The following TRMT2B variants were observed in gnomAD, a reference collection of about 807,000 sequenced individuals.
TRMT2B encodes tRNA methyltransferase 2B.
A neutral mutation model predicts 39.7 loss-of-function variants in TRMT2B; 34 were observed. The ratio of observed to expected loss-of-function variants is 0.86; its 90% confidence interval spans 0.65 to 1.14. The LOEUF (loss-of-function observed/expected upper bound fraction) is 1.14, where lower values mean the gene tolerates loss of function less well. Among genes scored for constraint, TRMT2B ranks in the 50% most tolerant of loss-of-function variants. The pLI is 0.00. For missense variants in TRMT2B, 318 were observed against 377.2 expected (o/e 0.84, Z 1.30); for synonymous variants, 132 against 137.3 (o/e 0.96, Z 0.27).
intron 13 of TRMT2B, among the ~76,000 whole-genome samples, chrX:101,018,658 C>T (rs2086647670): frequency 9.1e-6 from 1 of 110,127 alleles, no homozygotes. Flanking sequence ...TCACTGTGTT[C>T]CCCAGGGTGG....
the TRMT2B span, among the ~76,000 whole-genome samples, chrX:100,986,446 A>G: frequency 8.9e-6 from 1 of 112,093 alleles, no homozygotes; most frequent in South Asian, 3.8e-4. Flanking sequence ...AGCAACCCCA[A>G]CTAGAGCATG....
chrX:101,022,314 T>A (rs1387665070), intron 8 of TRMT2B, among the ~76,000 whole-genome samples: 1 of 110,090 alleles, frequency 9.1e-6, no homozygotes, highest in African/African-American at 3.3e-5. Flanking sequence ...CATAGCAACA[T>A]CCTGTCTCTA....
chrX:101,022,128 CTATAG>C lies in TRMT2B; in HGVS notation c.757-71_757-67del, dbSNP rs2086831424. 3 of 773,423 alleles carry C rather than the reference CTATAG, an allele frequency of 3.9e-6. No homozygotes were observed. The Admixed American group carries it at 7.0e-5, about 18-fold the overall frequency. 63.7% of individuals were successfully genotyped at this position (773,423 alleles called of 1,213,427 possible). On this transcript the variant is annotated intron_variant, in intron 8 of 13. Coordinates refer to ENST00000372936, the MANE Select transcript of TRMT2B (RefSeq NM_024917.6). Reference sequence around the variant, plus strand: ...CTCTGACAAATTTTCTCTCTAAGCTCTATAGTAATCAGCCCTGCAGTAGTCAGATG... The same window carrying C: ...CTCTGACAAATTTTCTCTCTAAGCTCTAATCAGCCCTGCAGTAGTCAGATG...
Position 101,014,091 on chromosome X carries a change from A to C in TRMT2B, c.1389-3384T>G, listed in dbSNP as rs190497957. The stretch of plus-strand genomic sequence containing the variant: ...AACAGAGCAAGACTCCATCCCCCGC[A>C]AAAAAAAGCATCAAATAGAATAGTG... On this transcript the variant is annotated intron_variant, in intron 13 of 13. Transcript: ENST00000372936. Among the ~76,000 whole-genome samples, 155 of 110,742 alleles carry C rather than the reference A, an allele frequency of 1.4e-3. 1 individual carries two copies. Among genetic ancestry groups the C allele is most frequent in the African/African-American group, 4.6e-3 (140 of 30,536 alleles).
At chrX:101,041,470 C>G in intron 3 of TRMT2B, 99 bp from the exon 4 acceptor site, 1 of 804,186 alleles carries the variant, frequency 1.2e-6, no homozygotes, top group Non-Finnish European at 1.8e-6. Context: ...CTCATGCTCT[C>G]TAGGGAGATG....
At chrX:100,975,290 G>A in the TRMT2B span, among the ~76,000 whole-genome samples, 1 of 111,083 alleles carries the variant, frequency 9.0e-6, no homozygotes, top group Non-Finnish European at 1.9e-5. Context: ...CCACTACCTA[G>A]CATTTTATCT....
chrX:101,038,240 T>A (rs895260349), intron 4 of TRMT2B, among the ~76,000 whole-genome samples, 189 bp from the exon 5 acceptor site: 6 of 107,431 alleles, frequency 5.6e-5, no homozygotes, highest in African/African-American at 1.7e-4. Context: ...TGGTTGTGCA[T>A]GCCTGTAATC....
chrX:101,026,068 G>A (rs2087064188), intron 7 of TRMT2B, among the ~76,000 whole-genome samples: 1 of 108,761 alleles, frequency 9.2e-6, no homozygotes, highest in African/African-American at 3.3e-5. Context: ...GAGGGAGGAA[G>A]GAAGGAAGGA....
intron 7 of TRMT2B, among the ~76,000 whole-genome samples, chrX:101,024,531 A>T (rs1602564556): frequency 9.0e-6 from 1 of 110,844 alleles, no homozygotes; most frequent in East Asian, 2.9e-4. Flanking sequence ...TACAAAAAAT[A>T]AAAAAAATTA....
the TRMT2B span, chrX:100,974,012 G>C: frequency 4.8e-6 from 3 of 626,447 alleles, no homozygotes; most frequent in Admixed American, 8.7e-5. Flanking sequence ...TATGGTACAT[G>C]CATTGAGATT....
the TRMT2B span, chrX:100,986,773 C>T: frequency 9.1e-7 from 1 of 1,099,181 alleles, no homozygotes; most frequent in East Asian, 3.1e-5. Flanking sequence ...CTCTTTTCCT[C>T]CCTCTCTCAT....
rs1303807813 is a variant in TRMT2B at position 101,042,951 on chromosome X, C to T, written c.-23-639G>A. On this transcript the variant is annotated intron_variant, in intron 2 of 13. Coordinates refer to ENST00000372936, the MANE Select transcript of TRMT2B (RefSeq NM_024917.6). ...AAGTAGCTGAAACTACAGGTGTGCACTACCACACCATTCTTTTAATTTATA... is the reference window on the plus strand; with the variant it reads ...AAGTAGCTGAAACTACAGGTGTGCATTACCACACCATTCTTTTAATTTATA... 2.7e-5 allele frequency among the ~76,000 whole-genome samples: 3 copies of T among 111,810 alleles called. No homozygotes were observed. In the East Asian group the frequency reaches 8.5e-4, roughly 32 times the overall value.
the TRMT2B span, among the ~76,000 whole-genome samples, chrX:100,976,204 C>G: frequency 9.1e-6 from 1 of 109,623 alleles, no homozygotes; most frequent in Middle Eastern, 4.7e-3. Flanking sequence ...TCCCTTTAGT[C>G]TCGGTGGGCC....
chrX:101,032,544 G>A (rs1304178406), intron 7 of TRMT2B, among the ~76,000 whole-genome samples: 6 of 106,780 alleles, frequency 5.6e-5, no homozygotes, highest in African/African-American at 2.1e-4. Flanking sequence ...CCAAGTTCAC[G>A]CCACTGCACT....
the TRMT2B span, among the ~76,000 whole-genome samples, chrX:100,993,530 A>C: frequency 8.9e-6 from 1 of 112,039 alleles, no homozygotes; most frequent in Admixed American, 9.5e-5. Flanking sequence ...CCAATAGAGA[A>C]GAGAAAGTGG....
intron 2 of TRMT2B, among the ~76,000 whole-genome samples, chrX:101,045,729 T>C (rs796280740): frequency 9.1e-6 from 1 of 109,562 alleles, no homozygotes; most frequent in East Asian, 2.8e-4. Flanking sequence ...ACCCAGTAGG[T>C]AGAGGTTGCA....
the TRMT2B span, among the ~76,000 whole-genome samples, chrX:101,000,669 C>A: frequency 9.0e-6 from 1 of 110,554 alleles, no homozygotes; most frequent in African/African-American, 3.3e-5. Flanking sequence ...TATTACCCAA[C>A]TACTGTAGTT....
chrX:101,008,381 G>A (rs2086138666), downstream of TRMT2B, among the ~76,000 whole-genome samples: 2 of 111,606 alleles, frequency 1.8e-5, no homozygotes, highest in Non-Finnish European at 3.8e-5. Context: ...CAACACTTTC[G>A]GAGGCCGAGG....
chrX:101,018,159 A>C (rs2086613788), intron 13 of TRMT2B, among the ~76,000 whole-genome samples: 1 of 110,801 alleles, frequency 9.0e-6, no homozygotes, highest in Non-Finnish European at 1.9e-5. Context: ...TGGGCAACAT[A>C]GTGAGACCTT....
Sources: gnomAD v4.1 joint callset for allele counts (sites outside exome capture counted in the v4.1 genomes callset) on GRCh38, gnomAD v4.1.1 for gene constraint, MANE v1.5 for transcripts, NCBI Gene and HGNC (gene_info 2026-07-23, HGNC 2026-07-21) for gene names.